The following ANKS1B variants were observed in gnomAD, a reference collection of about 807,000 sequenced individuals.
ANKS1B encodes ankyrin repeat and sterile alpha motif domain-containing protein 1B.
A neutral mutation model predicts 148.3 loss-of-function variants in ANKS1B; 36 were observed. That is an observed-to-expected ratio of 0.24 (90% CI 0.19 to 0.32). The LOEUF (loss-of-function observed/expected upper bound fraction) is 0.32. ANKS1B is among the 10% of genes least tolerant of loss of function. The pLI is 1.00. For synonymous variants in ANKS1B, 542 were observed against 560.8 expected (o/e 0.97, Z 0.47); for missense variants, 1,157 against 1,542.6 (o/e 0.75, Z 4.19).
chr12:98,810,534 T>C (rs1009816722), intron 19 of ANKS1B, among the ~76,000 whole-genome samples: 7 of 152,240 alleles, frequency 4.6e-5, no homozygotes, highest in African/African-American at 1.7e-4. Flanking sequence ...GGGATGGCCA[T>C]CTTGCAGGCT....
At chr12:99,059,109 A>G (rs1297977798) in intron 16 of ANKS1B, among the ~76,000 whole-genome samples, 1 of 152,208 alleles carries the variant, frequency 6.6e-6, no homozygotes, top group Non-Finnish European at 1.5e-5. Context: ...TGTTACCATT[A>G]TTCCACCGAA....
intron 15 of ANKS1B, among the ~76,000 whole-genome samples, chr12:99,117,128 T>G (rs969907186): frequency 6.6e-6 from 1 of 152,172 alleles, no homozygotes; most frequent in African/African-American, 2.4e-5. Context: ...TCTAAATATA[T>G]AATCATGTCA....
At chr12:98,911,519 A>G (rs2099786838) in intron 17 of ANKS1B, among the ~76,000 whole-genome samples, 1 of 152,222 alleles carries the variant, frequency 6.6e-6, no homozygotes, top group African/African-American at 2.4e-5. Context: ...CTAAGAAATG[A>G]ATGCACTACC....
intron 9 of ANKS1B, chr12:98,735,682 ATTTG>A: frequency 1.4e-6 from 1 of 724,332 alleles, no homozygotes; most frequent in Non-Finnish European, 2.6e-6. Flanking sequence ...TTGTTCATGC[ATTTG>A]TTTAATAAAT....
At chr12:98,926,717 C>T (rs1371343778) in intron 17 of ANKS1B, among the ~76,000 whole-genome samples, 6 of 151,776 alleles carry the variant, frequency 4.0e-5, no homozygotes, top group African/African-American at 9.7e-5. Context: ...CGTACAAAAT[C>T]GGAATTGTGG....
At chr12:99,365,355 A>T (rs1041241411) in intron 12 of ANKS1B, among the ~76,000 whole-genome samples, 1 of 152,200 alleles carries the variant, frequency 6.6e-6, no homozygotes, top group African/African-American at 2.4e-5. Flanking sequence ...GCACAATCTG[A>T]TAGACCAATT....
intron 12 of ANKS1B, among the ~76,000 whole-genome samples, chr12:99,271,193 TAGTTC>T (rs1021442323): frequency 6.6e-6 from 1 of 152,216 alleles, no homozygotes; most frequent in Non-Finnish European, 1.5e-5. Context: ...TCTCTCTTTT[TAGTTC>T]AGTTATCTCC....
At chr12:99,830,452 C>T (rs1565815397) in intron 1 of ANKS1B, among the ~76,000 whole-genome samples, 2 of 151,270 alleles carry the variant, frequency 1.3e-5, no homozygotes, top group African/African-American at 2.4e-5. Flanking sequence ...GAAGAATTTA[C>T]GGGAAAAAAA....
intron 1 of ANKS1B, among the ~76,000 whole-genome samples, chr12:99,948,697 C>T (rs1438437751): frequency 3.3e-5 from 5 of 152,162 alleles, no homozygotes; most frequent in Admixed American, 3.3e-4. Context: ...CAACATCGCA[C>T]CTCCTTTGCA....
At position 98,989,666 on chromosome 12, in the gene ANKS1B, A is replaced by G. The variant is rs139582133; in HGVS notation, c.2778+63491T>C. Among the ~76,000 whole-genome samples the G allele has an allele frequency of 1.8e-3, 278 of 152,282 alleles. 1 individual carries two copies. Among genetic ancestry groups the G allele is most frequent in the Admixed American group, 3.7e-3 (57 of 15,280 alleles). On this transcript the variant is annotated intron_variant, in intron 17 of 26. Transcript: ENST00000683438. The stretch of plus-strand genomic sequence containing the variant: ...TGTTTCTGTGAAGAATGAGCCAGGC[A>G]CGGTGGCTTGCTCCTGTAGTCCCAG...
intron 17 of ANKS1B, among the ~76,000 whole-genome samples, chr12:99,025,305 A>C (rs2099948109): frequency 6.6e-6 from 1 of 152,220 alleles, no homozygotes; most frequent in African/African-American, 2.4e-5. Flanking sequence ...AAATGAGAAT[A>C]CTAAGACCCT....
intron 14 of ANKS1B, among the ~76,000 whole-genome samples, chr12:99,191,005 A>G (rs1320089259): frequency 6.6e-6 from 1 of 152,208 alleles, no homozygotes; most frequent in Admixed American, 6.5e-5. Flanking sequence ...CAAGAAAAAA[A>G]AAAACAAATA....
intron 12 of ANKS1B, among the ~76,000 whole-genome samples, chr12:99,362,131 G>C (rs1196580342): frequency 6.6e-6 from 1 of 151,996 alleles, no homozygotes; most frequent in Non-Finnish European, 1.5e-5. Context: ...AAATGAGATA[G>C]CATATTGCTA....
At chr12:98,900,824 G>T (rs2099770939) in intron 17 of ANKS1B, among the ~76,000 whole-genome samples, 1 of 152,138 alleles carries the variant, frequency 6.6e-6, no homozygotes, top group Non-Finnish European at 1.5e-5. Flanking sequence ...TGTCGAGCTG[G>T]TTGCTAAGGG....
intron 12 of ANKS1B, among the ~76,000 whole-genome samples, chr12:99,251,118 C>T (rs1382084287): frequency 1.3e-5 from 2 of 152,156 alleles, no homozygotes; most frequent in South Asian, 4.1e-4. Context: ...AGGCCCACCT[C>T]CTATTACCAT....
chr12:99,448,210 A>G (rs1463276835), intron 10 of ANKS1B, among the ~76,000 whole-genome samples: 1 of 152,116 alleles, frequency 6.6e-6, no homozygotes, highest in African/African-American at 2.4e-5. Flanking sequence ...CCATTAAGAG[A>G]TGAATGGATA....
chr12:99,202,350 T>C (rs1207651886), intron 14 of ANKS1B, among the ~76,000 whole-genome samples: 2 of 152,218 alleles, frequency 1.3e-5, no homozygotes, highest in Non-Finnish European at 2.9e-5. Flanking sequence ...TCCAGTGACC[T>C]ACCATCCATA....
chr12:99,453,116 C>T (rs370312908), intron 10 of ANKS1B, among the ~76,000 whole-genome samples: 2 of 152,026 alleles, frequency 1.3e-5, no homozygotes, highest in South Asian at 2.1e-4. Context: ...TGGTGAAACC[C>T]CGTCTCTACT....
At chr12:99,637,617 C>T (rs1218432481) in intron 9 of ANKS1B, among the ~76,000 whole-genome samples, 3 of 152,072 alleles carry the variant, frequency 2.0e-5, no homozygotes, top group Non-Finnish European at 4.4e-5. Context: ...AATATGCTGG[C>T]TTAGCCTCCC....
Sources: allele counts gnomAD v4.1 joint callset (sites outside exome capture counted in the v4.1 genomes callset), GRCh38; gene constraint gnomAD v4.1.1; transcripts MANE v1.5; gene names NCBI Gene and HGNC (gene_info 2026-07-23, HGNC 2026-07-21).